Variants in THSD7B observed in about 807,000 individuals in gnomAD.
THSD7B encodes the protein thrombospondin type-1 domain-containing protein 7B.
THSD7B carries 138 observed loss-of-function variants against 213.6 expected under a neutral mutation model. The ratio of observed to expected loss-of-function variants is 0.65; its 90% CI spans 0.56 to 0.74. The LOEUF is 0.74. Among genes scored for constraint, THSD7B ranks in the 30% least tolerant of loss-of-function variants. The pLI is 0.00. For missense variants in THSD7B, 1,931 were observed against 1,991.5 expected, an observed-to-expected ratio of 0.97 and a Z score of 0.58; for synonymous variants, 742 against 687.0, an observed-to-expected ratio of 1.08 and a Z score of -1.25.
chr2:136,811,902 C>T (rs1419000173), intron 1 of THSD7B, among the ~76,000 whole-genome samples: 3 of 152,120 alleles, frequency 2.0e-5, no homozygotes, highest in East Asian at 1.9e-4. Context: ...ATCCTCCATA[C>T]TCATTGATGT....
At chr2:137,666,280 CTTTT>C (rs942279166) in intron 26 of THSD7B, among the ~76,000 whole-genome samples, 1 of 150,986 alleles carries the variant, frequency 6.6e-6, no homozygotes, top group Non-Finnish European at 1.5e-5. Context: ...TCAGGAAAGA[CTTTT>C]TTTTTGATCA....
At chr2:137,471,601 A>G (rs1688096819) in intron 15 of THSD7B, among the ~76,000 whole-genome samples, 1 of 152,012 alleles carries the variant, frequency 6.6e-6, no homozygotes. Context: ...CCTCAGGTCT[A>G]GGGGTCATCA....
chr2:137,169,053 A>C (rs1350237952), intron 6 of THSD7B, among the ~76,000 whole-genome samples: 2 of 151,540 alleles, frequency 1.3e-5, no homozygotes, highest in Admixed American at 1.3e-4. Context: ...GATCTTAACC[A>C]TGTCAATGCC....
intron 1 of THSD7B, among the ~76,000 whole-genome samples, chr2:136,877,111 AGG>A (rs59293039): frequency 0.86 from 130,557 of 152,014 alleles, 56,444 homozygotes; most frequent in Non-Finnish European, 0.91. Context: ...GCTGTCCACT[AGG>A]GTTCCAGAAA....
At chr2:136,956,809 A>T (rs1212455404) in intron 2 of THSD7B, among the ~76,000 whole-genome samples, 1 of 151,422 alleles carries the variant, frequency 6.6e-6, no homozygotes, top group African/African-American at 2.4e-5. Flanking sequence ...CCTCCTGAGT[A>T]GCTGGGATTA....
intron 21 of THSD7B, among the ~76,000 whole-genome samples, chr2:137,644,743 T>C (rs1056845580): frequency 4.6e-5 from 7 of 152,220 alleles, no homozygotes; most frequent in Non-Finnish European, 8.8e-5. Flanking sequence ...GTGCTTCCTC[T>C]TGTCCTAGCA....
intron 15 of THSD7B, among the ~76,000 whole-genome samples, chr2:137,486,107 C>G (rs1380859258): frequency 6.6e-6 from 1 of 152,118 alleles, no homozygotes; most frequent in Non-Finnish European, 1.5e-5. Context: ...AAATAACCAG[C>G]TAACATCATA....
chr2:136,835,930 C>G (rs1429991), intron 1 of THSD7B, among the ~76,000 whole-genome samples: 1 of 151,914 alleles, frequency 6.6e-6, no homozygotes, highest in Non-Finnish European at 1.5e-5. Flanking sequence ...TTTTTGCTTT[C>G]GGGGAAGAAA....
chr2:137,664,877 G>T (rs980146004), intron 26 of THSD7B, among the ~76,000 whole-genome samples: 1 of 151,882 alleles, frequency 6.6e-6, no homozygotes, highest in Non-Finnish European at 1.5e-5. Flanking sequence ...TAGGGCATGG[G>T]AAGGGAAAAC....
At chr2:137,384,101 C>G (rs1685840355) in intron 12 of THSD7B, among the ~76,000 whole-genome samples, 1 of 152,164 alleles carries the variant, frequency 6.6e-6, no homozygotes. Context: ...TAGCTTTGCT[C>G]TCCAGGCATG....
intron 7 of THSD7B, among the ~76,000 whole-genome samples, chr2:137,190,608 T>C (rs1680638650): frequency 6.6e-6 from 1 of 152,202 alleles, no homozygotes; most frequent in African/African-American, 2.4e-5. Context: ...ACGGTCCTTC[T>C]GGTCATCCTT....
chr2:137,356,930 C>T (rs1685142327), intron 12 of THSD7B, among the ~76,000 whole-genome samples: 1 of 144,494 alleles, frequency 6.9e-6, no homozygotes, highest in Non-Finnish European at 1.5e-5. Context: ...ATCTCTTTTC[C>T]AAGACACACA....
chr2:137,270,723 A>G (rs1037622806), intron 10 of THSD7B, among the ~76,000 whole-genome samples: 8 of 152,234 alleles, frequency 5.3e-5, no homozygotes, highest in Admixed American at 1.3e-4. Context: ...CTGATGGAGG[A>G]CAGGAGTGAG....
intron 1 of THSD7B, among the ~76,000 whole-genome samples, chr2:136,845,888 A>G (rs1191975380): frequency 6.6e-6 from 1 of 152,200 alleles, no homozygotes; most frequent in Non-Finnish European, 1.5e-5. Context: ...ATTTCTTGAG[A>G]TATGATATAG....
chr2:137,026,919 A>C (rs1686566706), intron 2 of THSD7B, among the ~76,000 whole-genome samples: 2 of 152,206 alleles, frequency 1.3e-5, no homozygotes, highest in Admixed American at 1.3e-4. Context: ...AATACATTGG[A>C]AAAGGCAGCA....
intron 17 of THSD7B, among the ~76,000 whole-genome samples, chr2:137,602,276 T>C (rs1313272188): frequency 6.6e-6 from 1 of 152,052 alleles, no homozygotes. Flanking sequence ...TTTTTGTTTT[T>C]GTATTATTTT....
chr2:137,167,030 G>A (rs898941524), intron 6 of THSD7B, among the ~76,000 whole-genome samples: 3 of 152,030 alleles, frequency 2.0e-5, no homozygotes, highest in African/African-American at 7.2e-5. Context: ...TTTCTAAAGG[G>A]TTAGGATTGA....
At chr2:137,038,441 T>A (rs1473816538) in intron 2 of THSD7B, among the ~76,000 whole-genome samples, 1 of 152,180 alleles carries the variant, frequency 6.6e-6, no homozygotes, top group East Asian at 1.9e-4. Flanking sequence ...CCGGCATCCC[T>A]TTGGAAAAGA....
At chr2:136,779,850 T>C (rs937195042) in intron 1 of THSD7B, among the ~76,000 whole-genome samples, 14 of 152,120 alleles carry the variant, frequency 9.2e-5, no homozygotes, top group African/African-American at 3.1e-4. Context: ...TTGACGCAAA[T>C]AGGGTTAGTC....
Sources: allele counts gnomAD v4.1 joint callset (sites outside exome capture counted in the v4.1 genomes callset), GRCh38; gene constraint gnomAD v4.1.1; transcripts MANE v1.5; gene names NCBI Gene and HGNC (gene_info 2026-07-23, HGNC 2026-07-21).